PTPRG: variants seen among roughly 807,000 people sequenced by gnomAD.
PTPRG encodes receptor-type tyrosine-protein phosphatase gamma.
Under a neutral mutation model 165.3 loss-of-function variants are expected in PTPRG, and 102 were observed. The ratio of observed to expected loss-of-function variants is 0.62; its 90% CI spans 0.53 to 0.73. PTPRG has a LOEUF of 0.73. Ranked by LOEUF, PTPRG falls within the 30% of genes least tolerant of loss-of-function variation. The pLI is 0.00. For missense variants in PTPRG, 1,866 were observed against 1,861.4 expected (o/e 1.00, Z -0.05); for synonymous variants, 675 against 669.5 (o/e 1.01, Z -0.13).
chr3:62,257,719 A>T (rs923964366), intron 16 of PTPRG, among the ~76,000 whole-genome samples: 4 of 152,172 alleles, frequency 2.6e-5, no homozygotes, highest in Non-Finnish European at 4.4e-5. Context: ...CTTTGGGAGA[A>T]CAAGGTGGGA....
At chr3:62,234,739 T>G (rs1700984693) in intron 14 of PTPRG, among the ~76,000 whole-genome samples, 1 of 152,122 alleles carries the variant, frequency 6.6e-6, no homozygotes, top group Non-Finnish European at 1.5e-5. Flanking sequence ...CTTAACTGTA[T>G]TTATGGTTCT....
chr3:62,108,103 T>A (rs546005717), intron 5 of PTPRG, among the ~76,000 whole-genome samples: 1 of 152,224 alleles, frequency 6.6e-6, no homozygotes, highest in Admixed American at 6.5e-5. Context: ...TGTGCAGGTT[T>A]GTTACATACG....
chr3:62,215,936 T>G (rs1299488719), intron 12 of PTPRG, among the ~76,000 whole-genome samples: 1 of 152,162 alleles, frequency 6.6e-6, no homozygotes, highest in Non-Finnish European at 1.5e-5. Flanking sequence ...GGCTGAAATA[T>G]GCTGGGCGCG....
chr3:61,825,806 C>T (rs2036091045), intron 2 of PTPRG, among the ~76,000 whole-genome samples: 1 of 141,296 alleles, frequency 7.1e-6, no homozygotes. Context: ...CTACCACATC[C>T]AGCTACTTTT....
chr3:61,904,371 G>A (rs1378572707), intron 2 of PTPRG, among the ~76,000 whole-genome samples: 1 of 152,156 alleles, frequency 6.6e-6, no homozygotes, highest in Non-Finnish European at 1.5e-5. Flanking sequence ...TGTCTCTAAA[G>A]CAGGGTCAGT....
At chr3:62,057,047 C>G (rs1700657322) in intron 4 of PTPRG, among the ~76,000 whole-genome samples, 1 of 152,116 alleles carries the variant, frequency 6.6e-6, no homozygotes, top group African/African-American at 2.4e-5. Flanking sequence ...GCTCTTTCAT[C>G]TAAACAACAA....
intron 2 of PTPRG, among the ~76,000 whole-genome samples, chr3:61,875,012 A>G (rs867006900): frequency 2.6e-5 from 4 of 152,210 alleles, no homozygotes; most frequent in Non-Finnish European, 5.9e-5. Context: ...ATGAGCAGGA[A>G]CAGAAAGCTG....
At position 62,059,821 on chromosome 3, in the gene PTPRG, C is replaced by T. The variant is rs143130223; in HGVS notation, c.520-18342C>T. On this transcript the variant is annotated intron_variant, in intron 4 of 29. Transcript: ENST00000474889. ...TCTCATGATAGTGAGTGAGTTCTCA[C>T]GAGATCTGATGGTTTCATAAGGGGC... Among the ~76,000 whole-genome samples, 178 of 152,234 alleles carry T rather than the reference C, an allele frequency of 1.2e-3. 1 individual carries two copies. Among genetic ancestry groups the T allele is most frequent in the Middle Eastern group, 0.01 (3 of 294 alleles).
intron 12 of PTPRG, among the ~76,000 whole-genome samples, chr3:62,216,733 A>G (rs950343570): frequency 5.3e-5 from 8 of 152,122 alleles, no homozygotes; most frequent in African/African-American, 9.7e-5. Context: ...AGTAGTTTCT[A>G]CTGCTCTTAC....
chr3:62,265,894 T>TACACACACACACACAC (rs1250968284), intron 17 of PTPRG, among the ~76,000 whole-genome samples: 28 of 26,530 alleles, frequency 1.1e-3, no homozygotes, highest in Middle Eastern at 0.023. Flanking sequence ...CTGTGCCTTA[T>TACACACACACACACAC]ATACACACAC....
intron 11 of PTPRG, among the ~76,000 whole-genome samples, chr3:62,201,903 T>A (rs546582679): frequency 1.4e-4 from 21 of 152,176 alleles, no homozygotes; most frequent in Non-Finnish European, 2.4e-4. Context: ...TTGCGTAAAG[T>A]TATATGGATC....
At chr3:61,918,789 C>T (rs1027972603) in intron 2 of PTPRG, among the ~76,000 whole-genome samples, 7 of 152,138 alleles carry the variant, frequency 4.6e-5, no homozygotes, top group African/African-American at 1.4e-4. Flanking sequence ...AACCATTTCT[C>T]GCTACCTCTC....
At chr3:61,682,281 T>C (rs982626394) in intron 1 of PTPRG, among the ~76,000 whole-genome samples, 3 of 152,108 alleles carry the variant, frequency 2.0e-5, no homozygotes, top group African/African-American at 7.2e-5. Context: ...AATTCTACTA[T>C]GATTATATAC....
At chr3:62,094,724 A>G (rs926833134) in intron 5 of PTPRG, among the ~76,000 whole-genome samples, 19 of 152,188 alleles carry the variant, frequency 1.2e-4, no homozygotes, top group Admixed American at 1.0e-3. Flanking sequence ...TCCAGGGCCT[A>G]TGCTGAGAAT....
At chr3:61,631,203 A>G (rs1371326361) in intron 1 of PTPRG, among the ~76,000 whole-genome samples, 3 of 124,934 alleles carry the variant, frequency 2.4e-5, no homozygotes, top group African/African-American at 9.7e-5. Flanking sequence ...TTGAAATTGT[A>G]TGGTAAGAAA....
chr3:61,829,385 G>C (rs940877660), intron 2 of PTPRG, among the ~76,000 whole-genome samples: 2 of 152,206 alleles, frequency 1.3e-5, no homozygotes, highest in Non-Finnish European at 2.9e-5. Flanking sequence ...TTCTGTTTCC[G>C]TGGCCAGGGC....
At chr3:61,742,402 A>AT in intron 1 of PTPRG, 3 of 786,662 alleles carry the variant, frequency 3.8e-6, no homozygotes, top group Non-Finnish European at 5.6e-6. Context: ...TTGGGTCTGG[A>AT]ATTTTTTTTT....
chr3:62,159,242 G>T (rs1407483471), intron 7 of PTPRG, among the ~76,000 whole-genome samples: 2 of 151,808 alleles, frequency 1.3e-5, no homozygotes, highest in African/African-American at 2.4e-5. Flanking sequence ...GAGGGGGGAG[G>T]ATCACTTGAG....
chr3:62,060,063 C>A (rs12485609), intron 4 of PTPRG, among the ~76,000 whole-genome samples: 15,066 of 151,826 alleles, frequency 0.099, 961 homozygotes, highest in Admixed American at 0.2. Flanking sequence ...CAAAAAAATA[C>A]AAAAATTAGC....
Sources: allele counts gnomAD v4.1 joint callset (sites outside exome capture counted in the v4.1 genomes callset), GRCh38; gene constraint gnomAD v4.1.1; transcripts MANE v1.5; gene names NCBI Gene and HGNC (gene_info 2026-07-23, HGNC 2026-07-21).